ERBB4: variants seen among roughly 807,000 people sequenced by gnomAD.
ERBB4 encodes receptor tyrosine-protein kinase erbB-4.
Under a neutral mutation model 158.0 loss-of-function variants are expected in ERBB4, and 42 were observed. The observed-to-expected ratio is 0.27, with a 90% CI of 0.21 to 0.34. ERBB4 has a LOEUF of 0.34. Among genes scored for constraint, ERBB4 ranks in the 10% least tolerant of loss-of-function variants. The pLI is 1.00. For missense variants in ERBB4, 1,333 were observed against 1,624.1 expected, an observed-to-expected ratio of 0.82 and a Z score of 3.08; for synonymous variants, 583 against 558.7, an observed-to-expected ratio of 1.04 and a Z score of -0.61.
intron 20 of ERBB4, among the ~76,000 whole-genome samples, chr2:211,525,167 G>C (rs1431258075): frequency 6.6e-6 from 1 of 152,138 alleles, no homozygotes; most frequent in Non-Finnish European, 1.5e-5. Flanking sequence ...TACTGAGCCA[G>C]TGGACTTCGG....
chr2:212,327,776 A>T (rs1459298924), intron 1 of ERBB4, among the ~76,000 whole-genome samples: 1 of 128,274 alleles, frequency 7.8e-6, no homozygotes, highest in Non-Finnish European at 1.6e-5. Context: ...TTAGATTCTG[A>T]TGTTAATTGC....
chr2:211,392,600 A>ACCCCC (rs1491416832), intron 25 of ERBB4, among the ~76,000 whole-genome samples: 4 of 133,536 alleles, frequency 3.0e-5, no homozygotes, highest in African/African-American at 1.1e-4. Context: ...ACACACACAC[A>ACCCCC]CCCCAATAAT....
intron 3 of ERBB4, among the ~76,000 whole-genome samples, chr2:211,833,475 A>G (rs1350636613): frequency 2.0e-5 from 3 of 152,026 alleles, no homozygotes; most frequent in Admixed American, 6.6e-5. Flanking sequence ...AAAGATTCCC[A>G]TACTCTAATC....
At position 211,383,439 on chromosome 2, in the gene ERBB4, T is replaced by C; in HGVS notation, c.*176A>G. On this transcript the variant is annotated 3_prime_UTR_variant, in exon 28 of 28. Transcript: ENST00000342788. Reference sequence around the variant, plus strand: ...TTCCTCCTATCTTTCTCTTTCAGTCTTTCCCTCTAATGTTCAAGTTAGGTA... The same window carrying C: ...TTCCTCCTATCTTTCTCTTTCAGTCCTTCCCTCTAATGTTCAAGTTAGGTA... 1.6e-6 allele frequency: 1 copy of C among 615,414 alleles called. No individual in the cohort carries two copies. The highest frequency in any genetic ancestry group is 2.9e-6 in the Non-Finnish European group (1 of 346,000). The allele number at this position is 615,414 out of a possible 1,614,324, so 38.1% of individuals were successfully genotyped here.
chr2:212,519,938 T>C (rs1245941571), intron 1 of ERBB4, among the ~76,000 whole-genome samples: 3 of 151,958 alleles, frequency 2.0e-5, no homozygotes, highest in Non-Finnish European at 4.4e-5. Flanking sequence ...TTCAAGAAAA[T>C]GATAAATGTT....
At chr2:211,749,835 A>C (rs1254658426) in intron 5 of ERBB4, among the ~76,000 whole-genome samples, 1 of 152,202 alleles carries the variant, frequency 6.6e-6, no homozygotes, top group Non-Finnish European at 1.5e-5. Flanking sequence ...ATATATTTCA[A>C]CTTGTCACTA....
At chr2:212,360,422 T>C (rs1354699789) in intron 1 of ERBB4, among the ~76,000 whole-genome samples, 3 of 151,680 alleles carry the variant, frequency 2.0e-5, no homozygotes, top group Admixed American at 6.6e-5. Context: ...CAGGTTTACC[T>C]TTCCTGGAAG....
chr2:211,903,827 G>T (rs1434341287), intron 3 of ERBB4, among the ~76,000 whole-genome samples: 1 of 151,024 alleles, frequency 6.6e-6, no homozygotes, highest in Non-Finnish European at 1.5e-5. Flanking sequence ...TCACCTTCTT[G>T]GTTGCAAGAA....
chr2:212,192,628 T>G (rs922336933), intron 1 of ERBB4, among the ~76,000 whole-genome samples: 1 of 152,130 alleles, frequency 6.6e-6, no homozygotes, highest in Non-Finnish European at 1.5e-5. Context: ...TCCTTATCTT[T>G]CATGGTCTTA....
intron 1 of ERBB4, among the ~76,000 whole-genome samples, chr2:212,133,740 G>T (rs1433073019): frequency 1.3e-5 from 2 of 151,530 alleles, no homozygotes; most frequent in African/African-American, 4.8e-5. Context: ...TGAGGCCAGA[G>T]GATTGCTTCA....
chr2:212,072,699 T>C (rs1349180094), intron 2 of ERBB4, among the ~76,000 whole-genome samples: 2 of 152,018 alleles, frequency 1.3e-5, no homozygotes, highest in African/African-American at 4.8e-5. Flanking sequence ...TCAGTTTTAG[T>C]CCTTATTCAT....
At chr2:212,054,402 A>G (rs2077491324) in intron 2 of ERBB4, among the ~76,000 whole-genome samples, 1 of 152,208 alleles carries the variant, frequency 6.6e-6, no homozygotes, top group Non-Finnish European at 1.5e-5. Context: ...GTTTCAGAAA[A>G]CAACCTGGAA....
intron 1 of ERBB4, among the ~76,000 whole-genome samples, chr2:212,329,532 C>T (rs2088029031): frequency 6.6e-6 from 1 of 152,030 alleles, no homozygotes; most frequent in African/African-American, 2.4e-5. Flanking sequence ...AATTTTTACT[C>T]ATGTAACCCA....
chr2:211,464,627 C>T (rs2371272), intron 20 of ERBB4, among the ~76,000 whole-genome samples: 84,542 of 151,896 alleles, frequency 0.56, 25,294 homozygotes, highest in Middle Eastern at 0.66. Context: ...GCATGTTCTA[C>T]AACTATAAAA....
chr2:211,840,716 A>C (rs918887848), intron 3 of ERBB4, among the ~76,000 whole-genome samples: 14 of 152,152 alleles, frequency 9.2e-5, no homozygotes, highest in Non-Finnish European at 1.9e-4. Context: ...TCAGACAAGA[A>C]GTTGACAGAA....
rs111457196 is a variant in ERBB4, at chr2:212,107,106, C to A, written c.234+17646G>T. 3.3e-3 allele frequency among the ~76,000 whole-genome samples: 504 copies of A among 152,312 alleles called. 1 individual carries two copies. The highest frequency in any genetic ancestry group is 0.012 in the African/African-American group (484 of 41,572). On this transcript the variant is annotated intron_variant, in intron 2 of 27. Transcript: ENST00000342788. The stretch of plus-strand genomic sequence containing the variant: ...CTGCCTAGTTATGAGAAAAGTGTCA[C>A]TGTCCTCCAGGACCCTAAATAATAG...
At chr2:212,286,605 T>TTTTTTTTGTTTTTG (rs1559928745) in intron 1 of ERBB4, among the ~76,000 whole-genome samples, 3 of 127,884 alleles carry the variant, frequency 2.3e-5, no homozygotes, top group African/African-American at 9.0e-5. Flanking sequence ...TTTTTTTTTT[T>TTTTTTTTGTTTTTG]TTTTTTTTTT....
chr2:212,061,494 GACA>G (rs542363364), intron 2 of ERBB4, among the ~76,000 whole-genome samples: 79 of 130,316 alleles, frequency 6.1e-4, no homozygotes, highest in African/African-American at 2.2e-3. Flanking sequence ...GCTTCCAGGA[GACA>G]ACAATTTGTG....
At chr2:212,084,635 T>C (rs145568308) in intron 2 of ERBB4, among the ~76,000 whole-genome samples, 1 of 151,946 alleles carries the variant, frequency 6.6e-6, no homozygotes, top group Non-Finnish European at 1.5e-5. Flanking sequence ...TGAAGTGAGA[T>C]AGTCGTAGGT....
Sources: gnomAD v4.1 joint callset for allele counts (sites outside exome capture counted in the v4.1 genomes callset) on GRCh38, gnomAD v4.1.1 for gene constraint, MANE v1.5 for transcripts, NCBI Gene and HGNC (gene_info 2026-07-23, HGNC 2026-07-21) for gene names.